LATS2: variants seen among roughly 807,000 people sequenced by gnomAD.
LATS2 encodes the protein serine/threonine-protein kinase LATS2.
LATS2 carries 24 observed loss-of-function variants against 76.0 expected under a neutral mutation model. That is an observed-to-expected ratio of 0.32 (90% CI 0.23 to 0.44). The LOEUF is 0.44. LATS2 is among the 20% of genes least tolerant of loss of function. The probability of loss-of-function intolerance (pLI) is 1.00; values close to 1 mark genes in which losing one functional copy is unlikely to be tolerated. For missense variants in LATS2, 1,286 were observed against 1,481.2 expected (o/e 0.87, Z 2.16); for synonymous variants, 692 against 635.4 (o/e 1.09, Z -1.34).
At chr13:21,023,443 T>C (rs1311432364) in intron 2 of LATS2, among the ~76,000 whole-genome samples, 1 of 151,464 alleles carries the variant, frequency 6.6e-6, no homozygotes, top group African/African-American at 2.4e-5. Flanking sequence ...ACCGTGTGGG[T>C]AGAATAGAAC....
chr13:21,019,887 T>TGG, intron 2 of LATS2, among the ~76,000 whole-genome samples: 1 of 150,798 alleles, frequency 6.6e-6, no homozygotes, highest in East Asian at 2.0e-4. Context: ...GGAAGGAGAA[T>TGG]TGCTTGAACC....
At chr13:21,060,406 G>A (rs1211592990) in intron 1 of LATS2, among the ~76,000 whole-genome samples, 3 of 152,248 alleles carry the variant, frequency 2.0e-5, no homozygotes, top group African/African-American at 7.2e-5. Context: ...GCACGGGAAT[G>A]GCGTGTTATG....
Position 20,988,017 on chromosome 13 carries a change from T to G in LATS2, c.1763A>C (p.Glu588Ala), listed in dbSNP as rs777696058. Residue 588 changes from glutamate to alanine, a missense_variant, in exon 4 of 8, where the codon GAG becomes GCG. Coordinates refer to ENST00000382592, the MANE Select transcript of LATS2 (RefSeq NM_014572.3). Reference sequence around the variant, plus strand: ...GCTCTTGATGCGTGACTCTCTCTTCTCTTCGTCTCTGCTGTTTTTGCGGAC... The same window carrying G: ...GCTCTTGATGCGTGACTCTCTCTTCGCTTCGTCTCTGCTGTTTTTGCGGAC... ...VPVRKNSRDE[E>A]KRESRIKSYS... 10 of 1,614,144 alleles carry G rather than the reference T, an allele frequency of 6.2e-6. No homozygotes were observed. The Admixed American group carries it at 8.3e-5, about 13-fold the overall frequency.
chr13:21,058,094 A>G (rs1873506051), intron 1 of LATS2, among the ~76,000 whole-genome samples: 2 of 152,262 alleles, frequency 1.3e-5, no homozygotes, highest in African/African-American at 4.8e-5. Flanking sequence ...GTTTAGAGCT[A>G]GAAGTCAGTC....
intron 1 of LATS2, among the ~76,000 whole-genome samples, chr13:21,060,826 C>T (rs1767263582): frequency 6.6e-6 from 1 of 151,478 alleles, no homozygotes; most frequent in Non-Finnish European, 1.5e-5. Context: ...AGGATGGCCC[C>T]GGATCCGTGG....
chr13:21,059,194 T>C (rs1461013062), intron 1 of LATS2, among the ~76,000 whole-genome samples: 4 of 152,250 alleles, frequency 2.6e-5, no homozygotes, highest in Non-Finnish European at 5.9e-5. Flanking sequence ...ATTTGTTGAA[T>C]ACTTTGTGAA....
At chr13:20,992,128 GCTAGCTGTTCCAGA>G (rs1353110486) in intron 2 of LATS2, among the ~76,000 whole-genome samples, 1 of 152,190 alleles carries the variant, frequency 6.6e-6, no homozygotes, top group Non-Finnish European at 1.5e-5. Flanking sequence ...TGGTGGCATG[GCTAGCTGTTCCAGA>G]CTTTGGGCAG....
At chr13:20,979,959 GGGTGGGGT>G (rs1595209556) in intron 6 of LATS2, among the ~76,000 whole-genome samples, 162 bp from the exon 7 acceptor site, 1 of 152,204 alleles carries the variant, frequency 6.6e-6, no homozygotes, top group East Asian at 1.9e-4. Context: ...GGATACTACT[GGGTGGGGT>G]GGTGGGGGGC....
intron 1 of LATS2, among the ~76,000 whole-genome samples, chr13:21,054,818 A>C (rs1873399654): frequency 6.6e-6 from 1 of 152,156 alleles, no homozygotes; most frequent in Non-Finnish European, 1.5e-5. Flanking sequence ...ACATACAAAA[A>C]GGTTGAGAGG....
chr13:21,013,469 C>G (rs571467414), intron 2 of LATS2, among the ~76,000 whole-genome samples: 9 of 152,292 alleles, frequency 5.9e-5, no homozygotes, highest in African/African-American at 2.2e-4. Flanking sequence ...TAGAGAAGAT[C>G]CAAACGGCCA....
chr13:20,994,336 C>G (rs567253835), intron 2 of LATS2, among the ~76,000 whole-genome samples: 72 of 152,332 alleles, frequency 4.7e-4, no homozygotes, highest in Non-Finnish European at 8.1e-4. Flanking sequence ...TACTTCCTAT[C>G]TGTACATTAA....
intron 4 of LATS2, 24 bp from the exon 5 acceptor site, chr13:20,983,830 G>C: frequency 6.4e-7 from 1 of 1,571,890 alleles, no homozygotes; most frequent in Non-Finnish European, 8.7e-7. Flanking sequence ...AAAGGAAGGA[G>C]GAAGAATCAC....
At chr13:21,033,356 A>C (rs1010094619) in intron 2 of LATS2, among the ~76,000 whole-genome samples, 1 of 152,058 alleles carries the variant, frequency 6.6e-6, no homozygotes, top group Admixed American at 6.6e-5. Context: ...TGAAAGGAGG[A>C]GTCAGCTGAG....
In LATS2 at chr13:21,061,549, T is replaced by A. The variant is rs1337078555; in HGVS notation, c.-408A>T. 1.3e-5 allele frequency: 2 copies of A among 152,646 alleles called. No individual in the cohort carries two copies. Among genetic ancestry groups the A allele is most frequent in the Non-Finnish European group, 2.9e-5 (2 of 68,070 alleles). 9.5% of individuals were successfully genotyped at this position (152,646 alleles called of 1,614,324 possible). A position where few individuals can be genotyped will look rare whatever the true frequency, so the allele number is the denominator to read the frequency against. On this transcript the variant is annotated 5_prime_UTR_variant, in exon 1 of 8. Coordinates refer to ENST00000382592, the MANE Select transcript of LATS2 (RefSeq NM_014572.3). ...CGCGGTTCCAAAGCGCAGACCCAAG[T>A]GGGACATTCGCTACATTGTTGGCAT...
intron 2 of LATS2, among the ~76,000 whole-genome samples, chr13:21,039,334 T>C (rs976400521): frequency 1.3e-5 from 2 of 152,170 alleles, no homozygotes; most frequent in Non-Finnish European, 2.9e-5. Context: ...AAAGAGGAAA[T>C]GTACATGTTA....
intron 4 of LATS2, among the ~76,000 whole-genome samples, chr13:20,986,050 GAA>G (rs892580550): frequency 6.6e-6 from 1 of 151,556 alleles, no homozygotes; most frequent in East Asian, 1.9e-4. Context: ...GTCTCAAAAA[GAA>G]AAAAAAGTGA....
At chr13:20,981,127 G>T (rs1162233783) in intron 6 of LATS2, among the ~76,000 whole-genome samples, 1 of 152,194 alleles carries the variant, frequency 6.6e-6, no homozygotes, top group Non-Finnish European at 1.5e-5. Flanking sequence ...GAAATGTGTG[G>T]TCTGGGCAGA....
intron 6 of LATS2, among the ~76,000 whole-genome samples, 193 bp downstream of exon 6, chr13:20,981,273 C>G (rs1869862822): frequency 6.6e-6 from 1 of 152,160 alleles, no homozygotes; most frequent in South Asian, 2.1e-4. Flanking sequence ...GTCTTCCAAC[C>G]CCCTGAAGCA....
intron 2 of LATS2, 109 bp downstream of exon 2, chr13:21,045,576 T>A: frequency 1.3e-6 from 1 of 773,746 alleles, no homozygotes; most frequent in Admixed American, 2.9e-5. Context: ...GAAACACTTG[T>A]ATAAGTAGTA....
Sources: gnomAD v4.1 joint callset for allele counts (sites outside exome capture counted in the v4.1 genomes callset) on GRCh38, gnomAD v4.1.1 for gene constraint, MANE v1.5 for transcripts, NCBI Gene and HGNC (gene_info 2026-07-23, HGNC 2026-07-21) for gene names.